IFTAP: variants seen among roughly 807,000 people sequenced by gnomAD.
IFTAP encodes the protein intraflagellar transport-associated protein.
IFTAP carries 19 observed loss-of-function variants against 19.4 expected under a neutral mutation model. The observed-to-expected ratio is 0.98, with a 90% CI of 0.68 to 1.44. The LOEUF (loss-of-function observed/expected upper bound fraction) is 1.44. IFTAP is among the 40% of genes most tolerant of loss of function. The probability of loss-of-function intolerance (pLI) is 0.00; values close to 1 mark genes in which losing one functional copy is unlikely to be tolerated. For synonymous variants in IFTAP, 85 were observed against 83.5 expected, an observed-to-expected ratio of 1.02 and a Z score of -0.10; for missense variants, 240 against 253.6, an observed-to-expected ratio of 0.95 and a Z score of 0.36.
chr11:36,623,989 A>ATG (rs1259665108), intron 2 of IFTAP, among the ~76,000 whole-genome samples: 1 of 148,416 alleles, frequency 6.7e-6, no homozygotes, highest in Non-Finnish European at 1.5e-5. Context: ...GTGTATATAT[A>ATG]TGTGTGTATA....
intron 1 of IFTAP, among the ~76,000 whole-genome samples, chr11:36,596,609 C>T (rs1851271121): frequency 6.6e-6 from 1 of 152,198 alleles, no homozygotes. Flanking sequence ...TAGGTGATTA[C>T]ACTCAGCCTG....
rs755174937 is a variant in IFTAP, at chr11:36,659,192, A to C, written c.*6A>C. 6.4e-7 allele frequency: 1 copy of C among 1,567,412 alleles called. No individual in the cohort carries two copies. Among genetic ancestry groups the C allele is most frequent in the South Asian group, 1.2e-5 (1 of 81,772 alleles). ...TAGAGAAATCCTGTGACTGATTCAC[A>C]GAGGCATTTTGTGTGTGTGTGCTTA... On this transcript the variant is annotated 3_prime_UTR_variant, in exon 6 of 6. Coordinates refer to ENST00000334307, the MANE Select transcript of IFTAP (RefSeq NM_138787.4).
chr11:36,643,917 C>T (rs1238852205), intron 4 of IFTAP, among the ~76,000 whole-genome samples: 3 of 152,262 alleles, frequency 2.0e-5, no homozygotes, highest in East Asian at 1.9e-4. Context: ...CTAGGCAATA[C>T]CATTGAGGAC....
In IFTAP at chr11:36,641,717, G is replaced by A. The variant is rs541546823; in HGVS notation, c.358+5600G>A. On this transcript the variant is annotated intron_variant, in intron 4 of 5. Coordinates refer to ENST00000334307, the MANE Select transcript of IFTAP (RefSeq NM_138787.4). The stretch of plus-strand genomic sequence containing the variant: ...AACTATGTGGTCAGTTTTGGAATAG[G>A]TGGGGTGTGGTGCTGAGAAGAATGT... Among the ~76,000 whole-genome samples, 8 of 152,294 alleles carry A rather than the reference G, an allele frequency of 5.3e-5. No homozygotes were observed. In the South Asian group the frequency reaches 1.7e-3, roughly 32 times the overall value.
Position 36,633,458 on chromosome 11 carries a change from T to G in IFTAP, c.291+20T>G. 6.7e-7 allele frequency: 1 copy of G among 1,488,074 alleles called. No homozygotes were observed. Among genetic ancestry groups the G allele is most frequent in the Non-Finnish European group, 8.9e-7 (1 of 1,118,854 alleles). The allele number at this position is 1,488,074 out of a possible 1,614,324, so 92.2% of individuals were successfully genotyped here. ...GAACAGGTAATACCAACATAGTACA[T>G]GTATAGAAACAATCTCAGAAGAAAA... On this transcript the variant is annotated intron_variant, in intron 3 of 5. Transcript: ENST00000334307.
intron 1 of IFTAP, among the ~76,000 whole-genome samples, chr11:36,600,830 A>G (rs919151092): frequency 6.6e-6 from 1 of 152,232 alleles, no homozygotes; most frequent in Non-Finnish European, 1.5e-5. Context: ...TAGTAATGGG[A>G]TATCCTGGCC....
intron 5 of IFTAP, among the ~76,000 whole-genome samples, chr11:36,657,005 G>A (rs867568355): frequency 6.6e-6 from 1 of 152,052 alleles, no homozygotes; most frequent in Non-Finnish European, 1.5e-5. Context: ...GAGGCTTGAA[G>A]GTAGAATTTA....
intron 2 of IFTAP, among the ~76,000 whole-genome samples, chr11:36,624,350 A>G (rs1852427184): frequency 6.6e-6 from 1 of 152,194 alleles, no homozygotes; most frequent in Non-Finnish European, 1.5e-5. Flanking sequence ...TAGTCATTTG[A>G]CTAAGTTTGT....
In IFTAP at chr11:36,611,222, G is replaced by T. The variant is rs183224971; in HGVS notation, c.136+983G>T. On this transcript the variant is annotated intron_variant, in intron 2 of 5. Transcript: ENST00000334307. ...TTCCTTCTGGGTTCTGCTTCAGATT[G>T]CCATCAGCTTGCTCTCAACCTTGAT... Among the ~76,000 whole-genome samples, 9 of 152,162 alleles carry T rather than the reference G, an allele frequency of 5.9e-5. No individual in the cohort carries two copies. The East Asian group carries it at 1.7e-3, about 29-fold the overall frequency.
rs114772206 is a variant in IFTAP at position 36,600,411 on chromosome 11, G to A, written c.-24+5819G>A. On this transcript the variant is annotated intron_variant, in intron 1 of 5. Transcript: ENST00000334307. Reference sequence around the variant, plus strand: ...TGCCTCCTGTCAGATCTGCTATGTGGCATTAGATTCTCATTGGAGTGTGAA... The same window carrying A: ...TGCCTCCTGTCAGATCTGCTATGTGACATTAGATTCTCATTGGAGTGTGAA... Among the ~76,000 whole-genome samples, 314 of 152,322 alleles carry A rather than the reference G, an allele frequency of 2.1e-3. 1 individual carries two copies. Among genetic ancestry groups the A allele is most frequent in the African/African-American group, 6.9e-3 (288 of 41,574 alleles).
intron 4 of IFTAP, among the ~76,000 whole-genome samples, chr11:36,643,447 C>G (rs1008300535): frequency 2.6e-5 from 4 of 152,132 alleles, no homozygotes; most frequent in African/African-American, 9.7e-5. Flanking sequence ...AGATTCAATG[C>G]CATCCCCATC....
At chr11:36,596,211 G>GTTTTTTTTTTTTTTTTTTTTTTT (rs1243664769) in intron 1 of IFTAP, among the ~76,000 whole-genome samples, 2 of 101,156 alleles carry the variant, frequency 2.0e-5, no homozygotes, top group African/African-American at 4.1e-5. Context: ...AGATGGTAGT[G>GTTTTTTTTTTTTTTTTTTTTTTT]TTTTTTTTTT....
At chr11:36,623,600 G>T (rs1455809091) in intron 2 of IFTAP, among the ~76,000 whole-genome samples, 2 of 152,164 alleles carry the variant, frequency 1.3e-5, no homozygotes, top group Non-Finnish European at 2.9e-5. Context: ...GGATTGTAGT[G>T]CATGTGTCAT....
rs1005391755 is a variant in IFTAP at position 36,627,540 on chromosome 11, C to T, written c.137-5744C>T. Among the ~76,000 whole-genome samples the T allele has an allele frequency of 2.1e-4, 32 of 151,100 alleles. 2 individuals carry two copies. Among genetic ancestry groups the T allele is most frequent in the African/African-American group, 4.9e-4 (20 of 40,472 alleles). ...GTTGTGCATAGACTTGTAAGTTTAA[C>T]GTAGAAAAGGGCTGTGGTGCAAAAA... On this transcript the variant is annotated intron_variant, in intron 2 of 5. Coordinates refer to ENST00000334307, the MANE Select transcript of IFTAP (RefSeq NM_138787.4).
intron 1 of IFTAP, among the ~76,000 whole-genome samples, chr11:36,602,196 T>A (rs1485747063): frequency 6.6e-6 from 1 of 152,194 alleles, no homozygotes; most frequent in Non-Finnish European, 1.5e-5. Flanking sequence ...TTTAAGAGAA[T>A]GCCAAGTGAA....
intron 2 of IFTAP, among the ~76,000 whole-genome samples, chr11:36,612,181 A>G (rs1387329878): frequency 6.6e-6 from 1 of 152,010 alleles, no homozygotes; most frequent in Non-Finnish European, 1.5e-5. Flanking sequence ...ACTGTTGCAG[A>G]TGTGATAACT....
At chr11:36,617,469 A>G (rs1852136176) in intron 2 of IFTAP, among the ~76,000 whole-genome samples, 1 of 151,966 alleles carries the variant, frequency 6.6e-6, no homozygotes, top group African/African-American at 2.4e-5. Context: ...AAATGAAACT[A>G]TAGCAAGGGG....
chr11:36,659,108 G>C lies in IFTAP; in HGVS notation c.588G>C (p.Glu196Asp), dbSNP rs767486812. ...TAACCTCCAAGTTTAGTCCTGCAGA[G>C]ATAGAGAACATCAAAGAGCTATGCA... ...VMLTSKFSPAEIENIKELCKQ... is the reference protein window; with the variant it reads ...VMLTSKFSPADIENIKELCKQ... Residue 196 changes from glutamate (E) to aspartate (D), a missense_variant, in exon 6 of 6, where the codon GAG becomes GAC. Glu to Asp is a conservative substitution (Grantham distance 45). Transcript: ENST00000334307. The C allele has an allele frequency of 1.2e-6, 2 of 1,610,376 alleles. No homozygotes were observed. The highest frequency in any genetic ancestry group is 1.7e-6 in the Non-Finnish European group (2 of 1,178,158).
chr11:36,596,233 T>G (rs12363797), intron 1 of IFTAP, among the ~76,000 whole-genome samples: 4,472 of 150,794 alleles, frequency 0.03, 110 homozygotes, highest in Non-Finnish European at 0.042. Flanking sequence ...TTTTTTTTTT[T>G]TTTTGCTTTA....
Sources: gnomAD v4.1 joint callset for allele counts (sites outside exome capture counted in the v4.1 genomes callset) on GRCh38, gnomAD v4.1.1 for gene constraint, MANE v1.5 for transcripts, NCBI Gene and HGNC (gene_info 2026-07-23, HGNC 2026-07-21) for gene names.